The following SHLD2 variants were observed in gnomAD, a reference collection of about 807,000 sequenced individuals.
The protein encoded by SHLD2 is shieldin complex subunit 2, also known as RINN1-REV7-interacting novel NHEJ regulator 2.
In SHLD2, 30 loss-of-function variants were observed where a neutral mutation model predicts 73.2. The observed-to-expected ratio is 0.41, with a 90% CI of 0.31 to 0.56. The LOEUF is 0.56. Ranked by LOEUF, SHLD2 falls within the 20% of genes least tolerant of loss-of-function variation. SHLD2 has a pLI of 0.28. For synonymous variants in SHLD2, 285 were observed against 370.1 expected, an observed-to-expected ratio of 0.77 and a Z score of 2.64; for missense variants, 745 against 1,055.9, an observed-to-expected ratio of 0.71 and a Z score of 4.08.
intron 2 of SHLD2, among the ~76,000 whole-genome samples, chr10:87,104,928 A>G (rs1324714293): frequency 6.6e-6 from 1 of 152,062 alleles, no homozygotes; most frequent in Admixed American, 6.6e-5. Flanking sequence ...CAGTGTTGGG[A>G]TTATAGGTGT....
At chr10:87,135,036 A>G (rs1475868393) in intron 2 of SHLD2, among the ~76,000 whole-genome samples, 1 of 152,164 alleles carries the variant, frequency 6.6e-6, no homozygotes, top group African/African-American at 2.4e-5. Context: ...CTTTTTTAAA[A>G]TATAAACTTG....
Position 87,191,041 on chromosome 10 carries a change from G to A in SHLD2, c.*358G>A. On this transcript the variant is annotated 3_prime_UTR_variant, in exon 10 of 10. Transcript: ENST00000298786. ...GAACCACAGAGAAGACATTCCCTCAGAAACTGCTGCAGTGCTTTCGCTTAT... is the reference window on the plus strand; with the variant it reads ...GAACCACAGAGAAGACATTCCCTCAAAAACTGCTGCAGTGCTTTCGCTTAT... The A allele has an allele frequency of 3.7e-6, 1 of 272,540 alleles. No homozygotes were observed. The highest frequency in any genetic ancestry group is 4.7e-5 in the South Asian group (1 of 21,472). 16.9% of individuals were successfully genotyped at this position (272,540 alleles called of 1,614,324 possible).
intron 2 of SHLD2, among the ~76,000 whole-genome samples, chr10:87,134,117 T>A (rs1475468011): frequency 6.6e-6 from 1 of 152,176 alleles, no homozygotes; most frequent in Non-Finnish European, 1.5e-5. Flanking sequence ...TGAGCAGAGA[T>A]CTTAATGTAC....
At chr10:87,098,794 G>A (rs973916410) in intron 2 of SHLD2, among the ~76,000 whole-genome samples, 6 of 151,124 alleles carry the variant, frequency 4.0e-5, no homozygotes, top group South Asian at 2.1e-4. Flanking sequence ...TTTATTTTTC[G>A]AGACAGGGTC....
chr10:87,095,562 C>A (rs1426014367), intron 1 of SHLD2, among the ~76,000 whole-genome samples: 1 of 152,210 alleles, frequency 6.6e-6, no homozygotes, highest in African/African-American at 2.4e-5. Flanking sequence ...GCTGAGGGCT[C>A]GGCGTCACCA....
chr10:87,123,164 C>T (rs1216965553), intron 2 of SHLD2, among the ~76,000 whole-genome samples: 4 of 152,198 alleles, frequency 2.6e-5, no homozygotes, highest in Non-Finnish European at 4.4e-5. Flanking sequence ...GCCTTGGCCT[C>T]CCAAAATGCT....
At chr10:87,096,149 G>T (rs371143681) in intron 1 of SHLD2, among the ~76,000 whole-genome samples, 1 of 145,074 alleles carries the variant, frequency 6.9e-6, no homozygotes. Flanking sequence ...TCGTTCTAGC[G>T]ATTCTCCTGC....
intron 2 of SHLD2, among the ~76,000 whole-genome samples, chr10:87,124,552 T>G (rs941608105): frequency 6.6e-6 from 1 of 151,914 alleles, no homozygotes; most frequent in African/African-American, 2.4e-5. Flanking sequence ...AAGAAAAAAG[T>G]CTATGTGGAA....
intron 4 of SHLD2, among the ~76,000 whole-genome samples, chr10:87,169,686 T>G (rs1475458284): frequency 6.6e-6 from 1 of 151,058 alleles, no homozygotes; most frequent in East Asian, 1.9e-4. Context: ...AATTAAAATT[T>G]AATCAGCAAA....
chr10:87,180,181 T>A lies in SHLD2; in HGVS notation c.2277T>A (p.Ser759=). ...AHSSLKSIFS[S]LPNIVYTGCA... is the part of the protein sequence containing the mutation. Reference sequence around the variant, plus strand: ...GTTCTCTGAAGAGTATTTTTTCTTCTCTTCCCAACATCGTATATACTGGTT... The same window carrying A: ...GTTCTCTGAAGAGTATTTTTTCTTCACTTCCCAACATCGTATATACTGGTT... Residue 759 remains serine (S), a synonymous_variant, in exon 8 of 10, where the codon TCT becomes TCA. Transcript: ENST00000298786. 6.2e-7 allele frequency: 1 copy of A among 1,613,768 alleles called. No homozygotes were observed. The highest frequency in any genetic ancestry group is 8.5e-7 in the Non-Finnish European group (1 of 1,179,714).
chr10:87,170,793 C>A (rs778674328), intron 5 of SHLD2, 47 bp from the exon 6 acceptor site: 1 of 1,612,872 alleles, frequency 6.2e-7, no homozygotes, highest in Admixed American at 1.7e-5. Context: ...TATGGTATCA[C>A]GTGTGATAGA....
intron 2 of SHLD2, among the ~76,000 whole-genome samples, chr10:87,136,566 A>G (rs75752344): frequency 0.17 from 25,741 of 151,868 alleles, 2,338 homozygotes; most frequent in African/African-American, 0.22. Flanking sequence ...ATATCTATAA[A>G]TATTTCTATA....
intron 2 of SHLD2, among the ~76,000 whole-genome samples, chr10:87,129,709 T>C (rs546433348): frequency 6.6e-6 from 1 of 151,986 alleles, no homozygotes; most frequent in Admixed American, 6.6e-5. Context: ...CAGCTTTGAT[T>C]GCTCAGGCTC....
chr10:87,181,077 G>C lies in SHLD2; in HGVS notation c.2399+774G>C, dbSNP rs1368489899. On this transcript the variant is annotated intron_variant, in intron 8 of 9. Coordinates refer to ENST00000298786, the MANE Select transcript of SHLD2 (RefSeq NM_001330112.2). ...TGAAAGTTGCTTTTGTGGAAAAGAA[G>C]ATTGAATTAAGATGTATGGTAGGCT... Among the ~76,000 whole-genome samples, 6 of 151,940 alleles carry C rather than the reference G, an allele frequency of 3.9e-5. No individual in the cohort carries two copies. In the East Asian group the frequency reaches 1.2e-3, roughly 29 times the overall value.
At chr10:87,140,516 T>G (rs907706336) in intron 2 of SHLD2, among the ~76,000 whole-genome samples, 1 of 151,570 alleles carries the variant, frequency 6.6e-6, no homozygotes, top group African/African-American at 2.4e-5. Context: ...GATGAGAGGA[T>G]TTTTTGAGCA....
intron 2 of SHLD2, among the ~76,000 whole-genome samples, chr10:87,150,061 ATT>A (rs569408745): frequency 7.2e-4 from 83 of 114,902 alleles, no homozygotes; most frequent in South Asian, 1.6e-3. Context: ...AAAATGAGTA[ATT>A]TTTTTTTTTT....
At chr10:87,139,386 A>G (rs1845022802) in intron 2 of SHLD2, among the ~76,000 whole-genome samples, 1 of 151,998 alleles carries the variant, frequency 6.6e-6, no homozygotes, top group Non-Finnish European at 1.5e-5. Flanking sequence ...CAGCATTAAT[A>G]ATATATTAAT....
intron 2 of SHLD2, among the ~76,000 whole-genome samples, chr10:87,144,468 CT>C (rs1188072862): frequency 6.6e-6 from 1 of 152,112 alleles, no homozygotes; most frequent in East Asian, 1.9e-4. Flanking sequence ...GTGGCTATTA[CT>C]TTGAGATACT....
intron 2 of SHLD2, among the ~76,000 whole-genome samples, chr10:87,128,452 C>T (rs937448869): frequency 3.9e-5 from 6 of 152,248 alleles, no homozygotes; most frequent in African/African-American, 1.4e-4. Flanking sequence ...TCTCTGTTTT[C>T]TCATAGTGCC....
Sources: gnomAD v4.1 joint callset for allele counts (sites outside exome capture counted in the v4.1 genomes callset) on GRCh38, gnomAD v4.1.1 for gene constraint, MANE v1.5 for transcripts, NCBI Gene and HGNC (gene_info 2026-07-23, HGNC 2026-07-21) for gene names.